Variants in ARHGEF7 observed in about 807,000 individuals in gnomAD.
The protein encoded by ARHGEF7 is PAK-interacting exchange factor beta.
Under a neutral mutation model 109.8 loss-of-function variants are expected in ARHGEF7, and 33 were observed. That is an observed-to-expected ratio of 0.30 (90% CI 0.23 to 0.40). ARHGEF7 has a LOEUF of 0.40. ARHGEF7 is among the 10% of genes least tolerant of loss of function. ARHGEF7 has a pLI of 1.00. For synonymous variants in ARHGEF7, 458 were observed against 424.6 expected (o/e 1.08, Z -0.97); for missense variants, 938 against 1,098.5 (o/e 0.85, Z 2.07).
At chr13:111,161,257 T>G (rs992018676) in intron 2 of ARHGEF7, among the ~76,000 whole-genome samples, 2 of 152,224 alleles carry the variant, frequency 1.3e-5, no homozygotes, top group African/African-American at 4.8e-5. Context: ...AATTGTGACT[T>G]TGATCTTCAG....
At chr13:111,142,872 G>A (rs1410905291) in intron 1 of ARHGEF7, among the ~76,000 whole-genome samples, 1 of 152,210 alleles carries the variant, frequency 6.6e-6, no homozygotes, top group Non-Finnish European at 1.5e-5. Context: ...AGGTGGCCGG[G>A]TTCAGTCTTC....
intron 1 of ARHGEF7, among the ~76,000 whole-genome samples, chr13:111,132,806 C>T (rs1419487823): frequency 6.6e-6 from 1 of 152,018 alleles, no homozygotes; most frequent in African/African-American, 2.4e-5. Context: ...GTAAACTCAC[C>T]ACTTACTTTT....
chr13:111,274,012 C>G, intron 10 of ARHGEF7, 60 bp downstream of exon 10: 2 of 1,570,718 alleles, frequency 1.3e-6, no homozygotes, highest in Admixed American at 3.5e-5. Context: ...CATGGTCAGA[C>G]TTACTGTGAA....
Position 111,164,673 on chromosome 13 carries a change from A to G in ARHGEF7, c.252+10682A>G, listed in dbSNP as rs184526507. On this transcript the variant is annotated intron_variant, in intron 2 of 21. Transcript: ENST00000646102. ...ATTAAACAGCATTTTCTGAGTGCCT[A>G]TTATGGCCTAGGCCCCATTATGAAG... 1.3e-4 allele frequency among the ~76,000 whole-genome samples: 20 copies of G among 152,328 alleles called. No individual in the cohort carries two copies. The East Asian group carries it at 3.1e-3, about 24-fold the overall frequency.
intron 2 of ARHGEF7, among the ~76,000 whole-genome samples, chr13:111,175,776 A>G (rs1390264192): frequency 6.6e-6 from 1 of 152,198 alleles, no homozygotes; most frequent in African/African-American, 2.4e-5. Context: ...TCACACTGCT[A>G]TAGAGAACTG....
chr13:111,285,460 G>A (rs1260638261), intron 16 of ARHGEF7, among the ~76,000 whole-genome samples: 6 of 152,088 alleles, frequency 3.9e-5, no homozygotes, highest in Non-Finnish European at 7.4e-5. Context: ...TGCTCTGTTG[G>A]GACTTGCTTT....
intron 2 of ARHGEF7, among the ~76,000 whole-genome samples, chr13:111,163,049 C>T (rs2076864478): frequency 6.6e-6 from 1 of 152,188 alleles, no homozygotes; most frequent in African/African-American, 2.4e-5. Flanking sequence ...GCTGGGCACC[C>T]TTCTATACTG....
intron 2 of ARHGEF7, among the ~76,000 whole-genome samples, chr13:111,156,999 A>G (rs2076388823): frequency 6.6e-6 from 1 of 152,212 alleles, no homozygotes; most frequent in Non-Finnish European, 1.5e-5. Flanking sequence ...TAAAGGGAAA[A>G]AGGAAGTAAA....
Position 111,300,762 on chromosome 13 carries a change from T to C in ARHGEF7, c.2326T>C (p.Ser776Pro). 6.2e-6 allele frequency: 10 copies of C among 1,610,250 alleles called. No homozygotes were observed. The highest frequency in any genetic ancestry group is 8.5e-6 in the Non-Finnish European group (10 of 1,178,028). Reference sequence around the variant, plus strand: ...CATGATCCTAGGTTCACGCAAAGAATCTGCTCCACAAGTTTTGCTTCCAGA... The same window carrying C: ...CATGATCCTAGGTTCACGCAAAGAACCTGCTCCACAAGTTTTGCTTCCAGA... ...MGSTSRSRKE[S>P]APQVLLPEEE... is the part of the protein sequence containing the mutation. The change falls in exon 20 of 22, where the codon TCT becomes CCT. Residue 776 changes from serine (S) to proline (P), a missense_variant. By Grantham distance (74) the Ser-to-Pro change is moderately conservative (BLOSUM62 -1). This residue lies in a region of ARHGEF7 where 166 missense variants were observed against 167.3 expected (regional missense o/e 0.99). Transcript: ENST00000646102.
rs1049324916 is a variant in ARHGEF7 at position 111,153,929 on chromosome 13, A to G, written c.190A>G (p.Ser64Gly). The change falls in exon 2 of 22, where the codon AGC becomes GGC. Residue 64 changes from serine (S) to glycine (G), a missense_variant. Physicochemically the swap from Ser to Gly is moderately conservative, Grantham distance 56. Around this residue, in one of 4 missense-constraint regions of ARHGEF7, gnomAD observed 165 missense variants for 125.8 expected, o/e 1.31. Coordinates refer to ENST00000646102, the MANE Select transcript of ARHGEF7 (RefSeq NM_001354046.2). ...EKVYPEPRSE[S>G]ECLSNIREFL... is the part of the protein sequence containing the mutation. ...GGTCTACCCCGAGCCCCGGAGCGAG[A>G]GCGAGTGCCTGAGCAACATCCGCGA... 3 of 1,605,252 alleles carry G rather than the reference A, an allele frequency of 1.9e-6. No individual in the cohort carries two copies. Among genetic ancestry groups the G allele is most frequent in the Non-Finnish European group, 2.5e-6 (3 of 1,177,266 alleles).
At chr13:111,205,982 C>T (rs2081781892) in intron 3 of ARHGEF7, among the ~76,000 whole-genome samples, 1 of 152,092 alleles carries the variant, frequency 6.6e-6, no homozygotes, top group South Asian at 2.1e-4. Context: ...GCATGTTGTC[C>T]ATGATGCCAA....
chr13:111,287,556 T>G (rs2093074025), intron 17 of ARHGEF7, among the ~76,000 whole-genome samples: 1 of 152,144 alleles, frequency 6.6e-6, no homozygotes, highest in African/African-American at 2.4e-5. Context: ...AAGTGAACAA[T>G]GTGTGGGCCA....
rs1046456268 is a variant in ARHGEF7, at chr13:111,273,555, T to C, written c.1074-259T>C. Among the ~76,000 whole-genome samples the C allele has an allele frequency of 6.6e-6, 1 of 152,230 alleles. No individual in the cohort carries two copies. Among genetic ancestry groups the C allele is most frequent in the Non-Finnish European group, 1.5e-5 (1 of 68,040 alleles). ...GGAGGACCTCGCCATCAGTAGGATC[T>C]CATGGAGACCCACATGTCCTGTGCT... On this transcript the variant is annotated intron_variant, in intron 9 of 21. Coordinates refer to ENST00000646102, the MANE Select transcript of ARHGEF7 (RefSeq NM_001354046.2). The surrounding 1 kb of genome is among the most constrained non-coding windows in gnomAD (Gnocchi z 4.5).
At chr13:111,264,744 G>T (rs569576309) in intron 8 of ARHGEF7, among the ~76,000 whole-genome samples, 1 of 152,234 alleles carries the variant, frequency 6.6e-6, no homozygotes, top group Non-Finnish European at 1.5e-5. Context: ...AGACTAGTAT[G>T]TGGAGGGAGC....
intron 2 of ARHGEF7, among the ~76,000 whole-genome samples, chr13:111,163,712 T>C (rs2153399098): frequency 6.6e-6 from 1 of 152,208 alleles, no homozygotes; most frequent in Non-Finnish European, 1.5e-5. Flanking sequence ...TTTTGTATTT[T>C]TTTGTAGAGA....
At chr13:111,121,725 CTG>C (rs1191698442) in intron 1 of ARHGEF7, among the ~76,000 whole-genome samples, 3 of 152,230 alleles carry the variant, frequency 2.0e-5, no homozygotes, top group African/African-American at 7.2e-5. Context: ...CCTGGAGACA[CTG>C]GGAGACCCGG....
intron 15 of ARHGEF7, chr13:111,282,876 G>A (rs1199455268): frequency 1.8e-6 from 1 of 564,446 alleles, no homozygotes; most frequent in Non-Finnish European, 3.1e-6. Context: ...TGTCTTTTGA[G>A]TGCTGGGGCC....
In ARHGEF7 at chr13:111,115,512, TC is replaced by T; in HGVS notation, c.-12del. The T allele has an allele frequency of 7.8e-7, 1 of 1,279,610 alleles. No individual in the cohort carries two copies. The allele number at this position is 1,279,610 out of a possible 1,614,324, so 79.3% of individuals were successfully genotyped here. A position where few individuals can be genotyped will look rare whatever the true frequency, so the allele number is the denominator to read the frequency against. ...AGGCGCGCGCCCCTCCCCGCCTGCC[TC>T]CCGGGCCGCAGCGATGAATTCCGCC... On this transcript the variant is annotated 5_prime_UTR_variant, in exon 1 of 22. Coordinates refer to ENST00000646102, the MANE Select transcript of ARHGEF7 (RefSeq NM_001354046.2).
chr13:111,241,140 C>G, intron 6 of ARHGEF7: 1 of 1,529,342 alleles, frequency 6.5e-7, no homozygotes, highest in East Asian at 2.4e-5. Context: ...CCCCGGGAAG[C>G]TGGCACTGGC....
Sources: gnomAD v4.1 joint callset for allele counts (sites outside exome capture counted in the v4.1 genomes callset) on GRCh38, gnomAD v4.1.1 for gene constraint, gnomAD v4.1.1 regional missense constraint, Gnocchi (gnomAD v3.1) non-coding constraint, MANE v1.5 for transcripts, NCBI Gene and HGNC (gene_info 2026-07-23, HGNC 2026-07-21) for gene names.